DPP10: variants seen among roughly 807,000 people sequenced by gnomAD.
DPP10 encodes the protein dipeptidyl peptidase like 10.
A neutral mutation model predicts 120.9 loss-of-function variants in DPP10; 33 were observed. That is an observed-to-expected ratio of 0.27 (90% CI 0.21 to 0.37). The LOEUF (loss-of-function observed/expected upper bound fraction) is 0.37. Ranked by LOEUF, DPP10 falls within the 10% of genes least tolerant of loss-of-function variation. The pLI is 1.00. For synonymous variants in DPP10, 337 were observed against 326.1 expected (o/e 1.03, Z -0.36); for missense variants, 816 against 942.8 (o/e 0.87, Z 1.76).
intron 3 of DPP10, among the ~76,000 whole-genome samples, chr2:115,427,391 C>A (rs2070578124): frequency 6.6e-6 from 1 of 152,238 alleles, no homozygotes; most frequent in Admixed American, 6.5e-5. Context: ...CTCATACTTT[C>A]TTTGAAATCT....
At chr2:115,210,172 C>T (rs190449980) in intron 1 of DPP10, among the ~76,000 whole-genome samples, 129 of 152,292 alleles carry the variant, frequency 8.5e-4, no homozygotes, top group Non-Finnish European at 1.5e-3. Context: ...CCTCCCTCCT[C>T]TCCCAACTCC....
chr2:114,812,608 A>G (rs920067420), intron 1 of DPP10, among the ~76,000 whole-genome samples: 1 of 151,460 alleles, frequency 6.6e-6, no homozygotes, highest in African/African-American at 2.4e-5. Context: ...ACACACACAC[A>G]CACACACACA....
intron 4 of DPP10, among the ~76,000 whole-genome samples, chr2:115,524,443 A>C (rs2078006905): frequency 6.6e-6 from 1 of 152,162 alleles, no homozygotes; most frequent in African/African-American, 2.4e-5. Flanking sequence ...TCCCCAGCAC[A>C]GGAGGCTCTT....
intron 1 of DPP10, among the ~76,000 whole-genome samples, chr2:114,894,102 T>A (rs1200229473): frequency 6.6e-6 from 1 of 152,232 alleles, no homozygotes; most frequent in East Asian, 1.9e-4. Flanking sequence ...GCATTTTATT[T>A]GACAATAGCT....
At chr2:114,887,875 C>T (rs948957847) in intron 1 of DPP10, among the ~76,000 whole-genome samples, 7 of 152,136 alleles carry the variant, frequency 4.6e-5, no homozygotes, top group Non-Finnish European at 1.0e-4. Flanking sequence ...CGAGGTGGCT[C>T]ACGCCTGTTA....
chr2:114,532,388 C>T (rs768271997), intron 1 of DPP10, among the ~76,000 whole-genome samples: 25 of 149,576 alleles, frequency 1.7e-4, no homozygotes, highest in Non-Finnish European at 2.7e-4. Flanking sequence ...CACATATTCT[C>T]TTGAGAACCC....
chr2:115,753,163 T>A lies in DPP10; in HGVS notation c.951-11T>A. 6.2e-7 allele frequency: 1 copy of A among 1,606,250 alleles called. No individual in the cohort carries two copies. Among genetic ancestry groups the A allele is most frequent in the Non-Finnish European group, 8.5e-7 (1 of 1,175,490 alleles). ...CTCTAAACATACATTTTAATTTTGT[T>A]TCCAAACTAGAGAATACTATATCAC... On this transcript the variant is annotated splice_polypyrimidine_tract_variant and intron_variant, in intron 10 of 25. Coordinates refer to ENST00000410059, the MANE Select transcript of DPP10 (RefSeq NM_020868.6).
At chr2:115,563,118 C>T (rs2080792108) in intron 5 of DPP10, among the ~76,000 whole-genome samples, 1 of 152,170 alleles carries the variant, frequency 6.6e-6, no homozygotes, top group Non-Finnish European at 1.5e-5. Context: ...AAAACAATCA[C>T]CTCTTAAACG....
chr2:115,065,126 A>G (rs1363433311), intron 1 of DPP10, among the ~76,000 whole-genome samples: 1 of 152,112 alleles, frequency 6.6e-6, no homozygotes, highest in Non-Finnish European at 1.5e-5. Context: ...TATATTTGAA[A>G]TATTCCTGGA....
intron 17 of DPP10, among the ~76,000 whole-genome samples, chr2:115,787,069 A>C (rs1266138832): frequency 6.6e-6 from 1 of 152,216 alleles, no homozygotes; most frequent in East Asian, 1.9e-4. Flanking sequence ...AGCAAAGGTC[A>C]TTCAAATACA....
At chr2:114,817,511 C>T (rs111873320) in intron 1 of DPP10, among the ~76,000 whole-genome samples, 1 of 152,132 alleles carries the variant, frequency 6.6e-6, no homozygotes, top group African/African-American at 2.4e-5. Flanking sequence ...CCAGTGAGAA[C>T]TGATGCCTGA....
rs879004119 is a variant in DPP10, at chr2:114,896,825, A to G, written c.61-412414A>G. ...CCCTGTCTTGTGCCAGTTTTCAAAG[A>G]GAATGCTTCCAGTTTTTGCCCATTC... On this transcript the variant is annotated intron_variant, in intron 1 of 25. Transcript: ENST00000410059. Among the ~76,000 whole-genome samples, 43 of 152,170 alleles carry G rather than the reference A, an allele frequency of 2.8e-4. 1 individual carries two copies. Among genetic ancestry groups the G allele is most frequent in the South Asian group, 4.1e-4 (2 of 4,826 alleles).
intron 19 of DPP10, among the ~76,000 whole-genome samples, chr2:115,813,003 C>A (rs1382403728): frequency 8.2e-6 from 1 of 121,490 alleles, no homozygotes; most frequent in East Asian, 2.3e-4. Flanking sequence ...GAGACGGAGT[C>A]TCGCTCTGTC....
At chr2:115,688,911 A>G (rs10184097) in intron 5 of DPP10, among the ~76,000 whole-genome samples, 51,257 of 151,946 alleles carry the variant, frequency 0.34, 9,884 homozygotes, top group African/African-American at 0.53. Flanking sequence ...ATCTCACTTC[A>G]ACTTCACCAA....
At chr2:114,706,306 C>G (rs143780393) in intron 1 of DPP10, among the ~76,000 whole-genome samples, 32 of 152,276 alleles carry the variant, frequency 2.1e-4, no homozygotes, top group African/African-American at 7.7e-4. Context: ...TATTGGCACC[C>G]AAGTTGCTGA....
chr2:115,836,418 CAATT>C (rs1559222409), intron 22 of DPP10, 85 bp from the exon 23 acceptor site: 1 of 1,511,660 alleles, frequency 6.6e-7, no homozygotes, highest in African/African-American at 1.4e-5. Flanking sequence ...TAAAGCATGA[CAATT>C]AAATGTAAAA....
chr2:114,878,574 T>C (rs1691346294), intron 1 of DPP10, among the ~76,000 whole-genome samples: 1 of 152,060 alleles, frequency 6.6e-6, no homozygotes, highest in Non-Finnish European at 1.5e-5. Flanking sequence ...CACCTCTTCA[T>C]CATCCTTAGC....
intron 1 of DPP10, among the ~76,000 whole-genome samples, chr2:114,531,522 A>G (rs1685982871): frequency 6.7e-6 from 1 of 148,968 alleles, no homozygotes; most frequent in African/African-American, 2.4e-5. Context: ...CCATATATAT[A>G]TATTTATATG....
At chr2:115,263,580 T>G (rs1003601245) in intron 1 of DPP10, among the ~76,000 whole-genome samples, 2 of 148,208 alleles carry the variant, frequency 1.3e-5, no homozygotes, top group East Asian at 3.9e-4. Flanking sequence ...ATAGAATATG[T>G]GCTATTCTGT....
Sources: gnomAD v4.1 joint callset for allele counts (sites outside exome capture counted in the v4.1 genomes callset) on GRCh38, gnomAD v4.1.1 for gene constraint, MANE v1.5 for transcripts, NCBI Gene and HGNC (gene_info 2026-07-23, HGNC 2026-07-21) for gene names.